NOS3: variants seen among roughly 807,000 people sequenced by gnomAD.
NOS3 encodes nitric oxide synthase 3, also known as NOS type III.
A neutral mutation model predicts 144.9 loss-of-function variants in NOS3; 98 were observed. The ratio of observed to expected loss-of-function variants is 0.68; its 90% CI spans 0.57 to 0.80. The LOEUF (loss-of-function observed/expected upper bound fraction) is 0.80, where lower values mean the gene tolerates loss of function less well. NOS3 is among the 30% of genes least tolerant of loss of function. The pLI is 0.00. For synonymous variants in NOS3, 714 were observed against 702.4 expected (o/e 1.02, Z -0.26); for missense variants, 1,465 against 1,656.4 (o/e 0.88, Z 2.01).
Position 150,998,173 on chromosome 7 carries a change from C to T in NOS3, c.583-184C>T, listed in dbSNP as rs115380064. Among the ~76,000 whole-genome samples the T allele has an allele frequency of 2.2e-3, 332 of 152,228 alleles. 1 individual carries two copies. Among genetic ancestry groups the T allele is most frequent in the African/African-American group, 7.7e-3 (321 of 41,550 alleles). On this transcript the variant is annotated intron_variant, in intron 5 of 26. Coordinates refer to ENST00000297494, the MANE Select transcript of NOS3 (RefSeq NM_000603.5). This position sits in a 1 kb window ranked among gnomAD's most constrained non-coding sequence, Gnocchi z 5.0. ...CCCAGGGAGGAGATGAGAAGCAGCC[C>T]GGATGGTGCTACATATGTCAGAGAG...
In NOS3 at chr7:151,013,802, T is replaced by C. The variant is rs1339689412; in HGVS notation, c.3334T>C (p.Phe1112Leu). 2 of 1,610,832 alleles carry C rather than the reference T, an allele frequency of 1.2e-6. No homozygotes were observed. The highest frequency in any genetic ancestry group is 2.2e-5 in the East Asian group (1 of 44,710). Reference protein sequence around the residue: ...RVLCLERGHMFVCGDVTMATN... With the variant: ...RVLCLERGHMLVCGDVTMATN... ...GCTGTGCCTCGAGCGGGGCCACATG[T>C]TTGTCTGCGGCGATGTTACCATGGC... Residue 1112 changes from phenylalanine (F) to leucine (L), a missense_variant, in exon 26 of 27, where the codon TTT (phenylalanine) becomes CTT (leucine). Around this residue, in one of 5 missense-constraint regions of NOS3, gnomAD observed 228 missense variants for 227.7 expected, o/e 1.00. Transcript: ENST00000297494.
chr7:151,009,594 C>A lies in NOS3; in HGVS notation c.2512+9C>A, dbSNP rs1322830777. The A allele has an allele frequency of 5.3e-6, 8 of 1,518,534 alleles. No homozygotes were observed. The Admixed American group carries it at 6.1e-5, about 12-fold the overall frequency. The allele number at this position is 1,518,534 out of a possible 1,614,324, so 94.1% of individuals were successfully genotyped here. On this transcript the variant is annotated intron_variant, in intron 20 of 26. Coordinates refer to ENST00000297494, the MANE Select transcript of NOS3 (RefSeq NM_000603.5). Reference sequence around the variant, plus strand: ...GGAGAAGGGCAGCCCTGGTGAGGGGCAGCCTGGGAAGCAACAGGGCACACC... The same window carrying A: ...GGAGAAGGGCAGCCCTGGTGAGGGGAAGCCTGGGAAGCAACAGGGCACACC...
chr7:150,999,169 C>T (rs1232962045), intron 8 of NOS3, 21 bp from the exon 9 acceptor site: 2 of 1,610,068 alleles, frequency 1.2e-6, no homozygotes, highest in East Asian at 2.2e-5. Flanking sequence ...GGGTGCTGAT[C>T]CCACACCCCA....
rs1010513390 is a variant in NOS3 at position 150,998,914 on chromosome 7, C to T, written c.817-32C>T. The T allele has an allele frequency of 6.3e-7, 1 of 1,595,628 alleles. No individual in the cohort carries two copies. The highest frequency in any genetic ancestry group is 8.5e-7 in the Non-Finnish European group (1 of 1,172,266). ...TCCCTGAGGAGGGCATGAGGCTCAG[C>T]CCCAGAACCCCCTCTGGCCCACTCC... On this transcript the variant is annotated intron_variant, in intron 7 of 26. Transcript: ENST00000297494. The surrounding 1 kb of genome is among the most constrained non-coding windows in gnomAD (Gnocchi z 5.0).
At chr7:151,011,881 G>T in intron 23 of NOS3, 1 of 411,492 alleles carries the variant, frequency 2.4e-6, no homozygotes, top group South Asian at 1.8e-5. Flanking sequence ...AGTCTTGCCC[G>T]CTCTCGCAGC....
At chr7:150,994,011 GC>G in intron 2 of NOS3, 50 bp downstream of exon 2, 1 of 1,517,584 alleles carries the variant, frequency 6.6e-7, no homozygotes, top group Non-Finnish European at 8.8e-7. Context: ...TGGTGTCAAG[GC>G]CTGAAGCCTG....
At position 150,999,295 on chromosome 7, in the gene NOS3, T is replaced by C. The variant is rs1168761025; in HGVS notation, c.1062T>C (p.Ser354=). Residue 354 remains serine, a synonymous_variant, in exon 9 of 27, where the codon AGT becomes AGC. Transcript: ENST00000297494. ...GGLEFPAAPF[S]GWYMSTEIGT... is the part of the protein sequence containing the mutation. ...TGGAGTTCCCCGCAGCCCCCTTCAG[T>C]GGCTGGTACATGAGCACTGAGATCG... 1 of 1,611,664 alleles carries C rather than the reference T, an allele frequency of 6.2e-7. No homozygotes were observed. Among genetic ancestry groups the C allele is most frequent in the Non-Finnish European group, 8.5e-7 (1 of 1,179,488 alleles).
intron 12 of NOS3, 49 bp from the exon 13 acceptor site, chr7:151,001,772 G>A: frequency 6.2e-7 from 1 of 1,611,068 alleles, no homozygotes; most frequent in Non-Finnish European, 8.5e-7. Context: ...GCCTGGGGAG[G>A]CCCTGCCTCT....
rs1028452295 is a variant in NOS3 at position 150,993,531 on chromosome 7, C to A, written c.-51-222C>A. Among the ~76,000 whole-genome samples the A allele has an allele frequency of 1.3e-5, 2 of 152,204 alleles. No individual in the cohort carries two copies. The highest frequency in any genetic ancestry group is 4.8e-5 in the African/African-American group (2 of 41,446). On this transcript the variant is annotated intron_variant, in intron 1 of 26. Coordinates refer to ENST00000297494, the MANE Select transcript of NOS3 (RefSeq NM_000603.5). This position sits in a 1 kb window ranked among gnomAD's most constrained non-coding sequence, Gnocchi z 4.0. ...CCCATGCTGCAGCCCCAGGGCTCTG[C>A]TGGACACCTGGGCTCCCACTTATCA... is the stretch of plus-strand genomic sequence containing the variant.
rs916354272 is a variant in NOS3 at position 150,993,612 on chromosome 7, G to A, written c.-51-141G>A. The A allele has an allele frequency of 3.0e-5, 17 of 568,038 alleles. No homozygotes were observed. Among genetic ancestry groups the A allele is most frequent in the African/African-American group, 2.2e-4 (11 of 50,888 alleles). The allele number at this position is 568,038 out of a possible 1,614,324, so 35.2% of individuals were successfully genotyped here. A position where few individuals can be genotyped will look rare whatever the true frequency, so the allele number is the denominator to read the frequency against. The stretch of plus-strand genomic sequence containing the variant: ...CCGGCCCCCCACCCTTCAGGCCAGC[G>A]GGCGTGGAGCTGAGGCTTTAGAGCC... On this transcript the variant is annotated intron_variant, in intron 1 of 26. Transcript: ENST00000297494. The surrounding 1 kb of genome is among the most constrained non-coding windows in gnomAD (Gnocchi z 4.0).
intron 21 of NOS3, 105 bp downstream of exon 21, chr7:151,010,392 C>A: frequency 8.2e-7 from 1 of 1,216,018 alleles, no homozygotes; most frequent in Non-Finnish European, 1.1e-6. Context: ...GGACTTTCTT[C>A]TCCTGGCCGA....
At chr7:151,013,628 TC>T in intron 25 of NOS3, 95 bp from the exon 26 acceptor site, 5 of 1,191,508 alleles carry the variant, frequency 4.2e-6, no homozygotes, top group Non-Finnish European at 5.7e-6. Context: ...CCAGGCCCGC[TC>T]CGGAGACTTT....
Position 151,014,346 on chromosome 7 carries a change from C to A in NOS3, c.*177C>A. 2.8e-6 allele frequency: 2 copies of A among 703,758 alleles called. No individual in the cohort carries two copies. Among genetic ancestry groups the A allele is most frequent in the East Asian group, 2.8e-5 (1 of 35,204 alleles). The allele number at this position is 703,758 out of a possible 1,614,324, so 43.6% of individuals were successfully genotyped here. Reference sequence around the variant, plus strand: ...GGAGCAAAACGCCTCTTTTCCCTCTCTAGGCCTGTTGCCTCGGGCCTGGGT... The same window carrying A: ...GGAGCAAAACGCCTCTTTTCCCTCTATAGGCCTGTTGCCTCGGGCCTGGGT... On this transcript the variant is annotated 3_prime_UTR_variant, in exon 27 of 27. Transcript: ENST00000297494.
chr7:151,003,682 T>G lies in NOS3; in HGVS notation c.1752+1378T>G, dbSNP rs1196171019. On this transcript the variant is annotated intron_variant, in intron 14 of 26. Transcript: ENST00000297494. The surrounding 1 kb of genome is among the most constrained non-coding windows in gnomAD (Gnocchi z 4.1). ...TCTGTCTCCCTGCCAGAAGTGTCTG[T>G]CACCACAGAATAGTTTCGCCTGCTC... is the stretch of plus-strand genomic sequence containing the variant. 6 of 623,830 alleles carry G rather than the reference T, an allele frequency of 9.6e-6. No individual in the cohort carries two copies. Among genetic ancestry groups the G allele is most frequent in the South Asian group, 8.9e-5 (6 of 67,368 alleles). The allele number at this position is 623,830 out of a possible 1,614,324, so 38.6% of individuals were successfully genotyped here. A position where few individuals can be genotyped will look rare whatever the true frequency, so the allele number is the denominator to read the frequency against.
chr7:151,013,520 C>A (rs1584915067), intron 25 of NOS3, 141 bp downstream of exon 25: 1 of 1,210,850 alleles, frequency 8.3e-7, no homozygotes, highest in Non-Finnish European at 1.1e-6. Context: ...TCTGGCCCAC[C>A]CTTGTGCCCC....
chr7:151,001,399 T>C lies in NOS3; in HGVS notation c.1402T>C (p.Phe468Leu). 6.2e-7 allele frequency: 1 copy of C among 1,600,626 alleles called. No individual in the cohort carries two copies. The highest frequency in any genetic ancestry group is 8.5e-7 in the Non-Finnish European group (1 of 1,172,436). The part of the protein sequence containing the change: ...PVFHQEMVNY[F>L]LSPAFRYQPD... ...TTTCCATCAGGAGATGGTCAACTAT[T>C]TCCTGTCCCCGGCCTTCCGCTACCA... is the stretch of plus-strand genomic sequence containing the variant. Residue 468 changes from phenylalanine to leucine, a missense_variant, in exon 11 of 27, where the codon TTC (phenylalanine) becomes CTC (leucine). Around this residue, in one of 5 missense-constraint regions of NOS3, gnomAD observed 745 missense variants for 853.9 expected, o/e 0.87. Coordinates refer to ENST00000297494, the MANE Select transcript of NOS3 (RefSeq NM_000603.5).
Position 151,013,750 on chromosome 7 carries a change from G to T in NOS3, c.3282G>T (p.Thr1094=). ...PKTYVQDILR[T]ELAAEVHRVL... ...CCTACGTGCAGGACATCCTGAGGACGGAGCTGGCTGCGGAGGTGCACCGCG... is the reference window on the plus strand; with the variant it reads ...CCTACGTGCAGGACATCCTGAGGACTGAGCTGGCTGCGGAGGTGCACCGCG... The change falls in exon 26 of 27, where the codon ACG becomes ACT. Residue 1094 remains threonine, a synonymous_variant. Transcript: ENST00000297494. The T allele has an allele frequency of 1.2e-6, 2 of 1,610,536 alleles. No homozygotes were observed. Among genetic ancestry groups the T allele is most frequent in the Non-Finnish European group, 1.7e-6 (2 of 1,179,034 alleles).
At position 150,993,716 on chromosome 7, in the gene NOS3, A is replaced by G; in HGVS notation, c.-51-37A>G. On this transcript the variant is annotated intron_variant, in intron 1 of 26. Transcript: ENST00000297494. The surrounding 1 kb of genome is among the most constrained non-coding windows in gnomAD (Gnocchi z 4.0). The stretch of plus-strand genomic sequence containing the variant: ...GGCCAGCACTGGAGAGCCCCCTCCC[A>G]CTGCCCCCTCCTCTCGGTCCCCTCC... The G allele has an allele frequency of 7.2e-7, 1 of 1,383,742 alleles. No homozygotes were observed. The highest frequency in any genetic ancestry group is 1.5e-5 in the African/African-American group (1 of 68,114). 85.7% of individuals were successfully genotyped at this position (1,383,742 alleles called of 1,614,324 possible). A position where few individuals can be genotyped will look rare whatever the true frequency, so the allele number is the denominator to read the frequency against.
At position 151,001,252 on chromosome 7, in the gene NOS3, G is replaced by T; in HGVS notation, c.1255G>T (p.Asp419Tyr). The T allele has an allele frequency of 6.2e-7, 1 of 1,613,514 alleles. No individual in the cohort carries two copies. Among genetic ancestry groups the T allele is most frequent in the Non-Finnish European group, 8.5e-7 (1 of 1,179,954 alleles). The change falls in exon 11 of 27, where the codon GAC (aspartate) becomes TAC (tyrosine). Residue 419 changes from aspartate (D) to tyrosine (Y), a missense_variant. By Grantham distance (160) the Asp-to-Tyr change is radical. This residue lies in a region of NOS3 where 745 missense variants were observed against 853.9 expected (regional missense o/e 0.87). Transcript: ENST00000297494. ...SYQLAKVTIV[D>Y]HHAATASFMK... is the part of the protein sequence containing the mutation. ...CCAGCTAGCCAAAGTCACCATCGTG[G>T]ACCACCACGCCGCCACGGCCTCTTT...
Sources: gnomAD v4.1 joint callset for allele counts (sites outside exome capture counted in the v4.1 genomes callset) on GRCh38, gnomAD v4.1.1 for gene constraint, gnomAD v4.1.1 regional missense constraint, Gnocchi (gnomAD v3.1) non-coding constraint, MANE v1.5 for transcripts, NCBI Gene and HGNC (gene_info 2026-07-23, HGNC 2026-07-21) for gene names.